IL1RAPL2: variants seen among roughly 807,000 people sequenced by gnomAD.
The protein encoded by IL1RAPL2 is X-linked interleukin-1 receptor accessory protein-like 2.
A neutral mutation model predicts 44.1 loss-of-function variants in IL1RAPL2; 3 were observed. The observed-to-expected ratio is 0.07, with a 90% CI of 0.03 to 0.18. The LOEUF (loss-of-function observed/expected upper bound fraction) is 0.18, where lower values mean the gene tolerates loss of function less well. IL1RAPL2 is among the 10% of genes least tolerant of loss of function. The probability of loss-of-function intolerance (pLI) is 1.00; values close to 1 mark genes in which losing one functional copy is unlikely to be tolerated. For synonymous variants in IL1RAPL2, 181 were observed against 178.8 expected, an observed-to-expected ratio of 1.01 and a Z score of -0.10; for missense variants, 391 against 496.4, an observed-to-expected ratio of 0.79 and a Z score of 2.02.
intron 1 of IL1RAPL2, among the ~76,000 whole-genome samples, chrX:104,617,427 A>T (rs772679752): frequency 3.6e-5 from 4 of 112,151 alleles, no homozygotes; most frequent in Non-Finnish European, 7.5e-5. Context: ...ACGATTAGGG[A>T]AATTTTCTTG....
chrX:104,902,253 CAG>C (rs1343892691), intron 2 of IL1RAPL2, among the ~76,000 whole-genome samples: 1 of 111,957 alleles, frequency 8.9e-6, no homozygotes, highest in Admixed American at 9.5e-5. Context: ...TTTGACATAA[CAG>C]AGACTGAGGA....
chrX:104,969,799 G>T (rs1398924773), intron 2 of IL1RAPL2, among the ~76,000 whole-genome samples: 1 of 111,753 alleles, frequency 8.9e-6, no homozygotes, highest in African/African-American at 3.2e-5. Context: ...AGACATCTAA[G>T]TTACATCTAA....
chrX:105,427,186 G>C (rs999318968), intron 5 of IL1RAPL2, among the ~76,000 whole-genome samples: 2 of 111,756 alleles, frequency 1.8e-5, no homozygotes, highest in Non-Finnish European at 3.8e-5. Context: ...TTGCTATTTG[G>C]GCTCCATGCT....
chrX:105,561,694 GT>G (rs746435277), intron 6 of IL1RAPL2, among the ~76,000 whole-genome samples: 1 of 112,081 alleles, frequency 8.9e-6, no homozygotes, highest in Non-Finnish European at 1.9e-5. Flanking sequence ...GGTAGATACA[GT>G]GCCTATGCTT....
intron 2 of IL1RAPL2, among the ~76,000 whole-genome samples, chrX:104,818,142 G>A (rs1174432827): frequency 9.1e-6 from 1 of 109,307 alleles, no homozygotes. Flanking sequence ...GGATCATGAG[G>A]TCAGGAGATC....
chrX:104,918,044 A>T (rs1216854266), intron 2 of IL1RAPL2, among the ~76,000 whole-genome samples: 1 of 111,990 alleles, frequency 8.9e-6, no homozygotes, highest in Non-Finnish European at 1.9e-5. Flanking sequence ...AATTTATGTA[A>T]CGTTTGTTAA....
chrX:104,764,648 G>A (rs1932526760), intron 2 of IL1RAPL2, among the ~76,000 whole-genome samples: 1 of 112,009 alleles, frequency 8.9e-6, no homozygotes, highest in Non-Finnish European at 1.9e-5. Flanking sequence ...TTAGAGGAAA[G>A]GCTTTCAGCT....
intron 6 of IL1RAPL2, among the ~76,000 whole-genome samples, chrX:105,581,546 A>C (rs1166987931): frequency 9.0e-6 from 1 of 111,587 alleles, no homozygotes; most frequent in Non-Finnish European, 1.9e-5. Context: ...TTCTTTAACC[A>C]CTTGAATATA....
intron 5 of IL1RAPL2, among the ~76,000 whole-genome samples, chrX:105,348,866 GA>G (rs1236169639): frequency 8.9e-6 from 1 of 111,855 alleles, no homozygotes; most frequent in African/African-American, 3.3e-5. Context: ...TGAATGTGGT[GA>G]TCTGGTAAGT....
chrX:105,578,120 G>A (rs1340398512), intron 6 of IL1RAPL2, among the ~76,000 whole-genome samples: 4 of 101,947 alleles, frequency 3.9e-5, no homozygotes, highest in Non-Finnish European at 7.8e-5. Flanking sequence ...CTATGAGTGA[G>A]AACGTGCGGT....
chrX:105,505,383 ATTG>A (rs2036424263), intron 6 of IL1RAPL2, among the ~76,000 whole-genome samples: 5 of 111,457 alleles, frequency 4.5e-5, no homozygotes, highest in African/African-American at 9.8e-5. Context: ...AAAATTACAA[ATTG>A]TTGTTAAGTG....
intron 2 of IL1RAPL2, among the ~76,000 whole-genome samples, chrX:105,070,770 T>C (rs2032197478): frequency 9.1e-6 from 1 of 110,245 alleles, no homozygotes. Context: ...TTTTAAACAA[T>C]ATAAAAGTAT....
rs889656813 is a variant in IL1RAPL2 at position 105,654,273 on chromosome X, C to T, written c.773-63094C>T. 2.7e-5 allele frequency among the ~76,000 whole-genome samples: 3 copies of T among 110,547 alleles called. No homozygotes were observed. In the South Asian group the frequency reaches 1.1e-3, roughly 41 times the overall value. The stretch of plus-strand genomic sequence containing the variant: ...CCAGCAGAAGATAGAAATTAGGTCT[C>T]CCTCTCCTCTACCCAAATGGAGGAA... On this transcript the variant is annotated intron_variant, in intron 6 of 10. Coordinates refer to ENST00000372582, the MANE Select transcript of IL1RAPL2 (RefSeq NM_017416.2).
chrX:104,792,830 A>G (rs1442932841), intron 2 of IL1RAPL2, among the ~76,000 whole-genome samples: 3 of 112,194 alleles, frequency 2.7e-5, no homozygotes, highest in African/African-American at 9.7e-5. Context: ...AAAGGAAAAA[A>G]AATTCTTAAG....
intron 2 of IL1RAPL2, among the ~76,000 whole-genome samples, chrX:105,146,812 G>A (rs1384727720): frequency 3.6e-5 from 4 of 111,669 alleles, no homozygotes; most frequent in Non-Finnish European, 5.6e-5. Context: ...GGTTTTTAAA[G>A]GTTGGGAGGC....
At chrX:104,892,023 A>G (rs1336268825) in intron 2 of IL1RAPL2, among the ~76,000 whole-genome samples, 1 of 111,537 alleles carries the variant, frequency 9.0e-6, no homozygotes, top group Non-Finnish European at 1.9e-5. Flanking sequence ...GAATTTTGTG[A>G]CAGGCCTTTT....
chrX:104,827,856 A>G (rs372597299), intron 2 of IL1RAPL2, among the ~76,000 whole-genome samples: 4 of 111,548 alleles, frequency 3.6e-5, no homozygotes, highest in African/African-American at 1.3e-4. Flanking sequence ...TCTTGTCTTC[A>G]AACTTTATTT....
chrX:104,906,056 C>T (rs1276197545), intron 2 of IL1RAPL2, among the ~76,000 whole-genome samples: 2 of 109,487 alleles, frequency 1.8e-5, no homozygotes, highest in Non-Finnish European at 1.9e-5. Flanking sequence ...ATTTTATTCT[C>T]TTTGAAGCAA....
intron 1 of IL1RAPL2, among the ~76,000 whole-genome samples, chrX:104,643,384 C>T (rs1021652406): frequency 7.2e-5 from 8 of 111,417 alleles, no homozygotes; most frequent in Non-Finnish European, 1.3e-4. Flanking sequence ...TATAAAAAGA[C>T]CTACTGTTCA....
Sources: allele counts gnomAD v4.1 joint callset (sites outside exome capture counted in the v4.1 genomes callset), GRCh38; gene constraint gnomAD v4.1.1; transcripts MANE v1.5; gene names NCBI Gene and HGNC (gene_info 2026-07-23, HGNC 2026-07-21).